TAB2: variants seen among roughly 807,000 people sequenced by gnomAD.
TAB2 encodes the protein TGF-beta activated kinase 1 (MAP3K7) binding protein 2.
TAB2 carries 3 observed loss-of-function variants against 65.0 expected under a neutral mutation model. The observed-to-expected ratio is 0.05, with a 90% CI of 0.02 to 0.12. TAB2 has a LOEUF of 0.12. TAB2 is among the 10% of genes least tolerant of loss of function. The pLI is 1.00. For synonymous variants in TAB2, 298 were observed against 285.1 expected (o/e 1.05, Z -0.46); for missense variants, 623 against 840.3 (o/e 0.74, Z 3.20).
chr6:149,350,651 G>A (rs1780460440), intron 1 of TAB2, among the ~76,000 whole-genome samples: 2 of 120,940 alleles, frequency 1.7e-5, no homozygotes, highest in Admixed American at 2.1e-4. Context: ...TAAGAGCTCA[G>A]TCACCCAGGC....
At chr6:149,315,594 A>T (rs1443694281), upstream of TAB2, among the ~76,000 whole-genome samples, 1 of 152,204 alleles carries the variant, frequency 6.6e-6, no homozygotes, top group African/African-American at 2.4e-5. Context: ...ATAATGTCCT[A>T]TATGACATTT....
At chr6:149,364,355 G>A (rs958785262) in intron 1 of TAB2, among the ~76,000 whole-genome samples, 21 of 151,940 alleles carry the variant, frequency 1.4e-4, no homozygotes, top group African/African-American at 5.1e-4. Context: ...CTTGATCTTT[G>A]CTCTCTACAG....
At chr6:149,358,235 AGACC>A in intron 1 of TAB2, among the ~76,000 whole-genome samples, 1 of 152,124 alleles carries the variant, frequency 6.6e-6, no homozygotes, top group South Asian at 2.1e-4. Flanking sequence ...CTTCAGGATG[AGACC>A]CACATCTAAA....
At chr6:149,403,120 G>C (rs1439116302) in intron 6 of TAB2, among the ~76,000 whole-genome samples, 1 of 151,098 alleles carries the variant, frequency 6.6e-6, no homozygotes, top group East Asian at 1.9e-4. Context: ...TGTAATCCCA[G>C]GTACTCAGGA....
chr6:149,363,935 A>G (rs957609708), intron 1 of TAB2, among the ~76,000 whole-genome samples: 2 of 152,184 alleles, frequency 1.3e-5, no homozygotes, highest in African/African-American at 4.8e-5. Flanking sequence ...TTCCTAATTC[A>G]GAGACGAGAC....
At chr6:149,230,335 C>T (rs951719860) in intron 1 of TAB2, among the ~76,000 whole-genome samples, 6 of 152,210 alleles carry the variant, frequency 3.9e-5, no homozygotes, top group Admixed American at 3.3e-4. Context: ...TGATGAACTT[C>T]CCTCTGCACT....
Position 149,311,700 on chromosome 6 carries a change from C to G in TAB2, c.-120-66318C>G, listed in dbSNP as rs1477502512. On this transcript the variant is annotated intron_variant, in intron 1 of 1. Coordinates refer to the TAB2 transcript ENST00000606202. ...TATAATTAGTAAATTTTGTATGCCC[C>G]AAATTCCTATCACATTTGTGCTTTA... is the stretch of plus-strand genomic sequence containing the variant. Among the ~76,000 whole-genome samples the G allele has an allele frequency of 4.1e-5, 4 of 96,772 alleles. 2 individuals carry two copies. The Admixed American group carries it at 4.2e-4, about 10-fold the overall frequency. The allele number at this position is 96,772 out of a possible 152,430, so 63.5% of individuals were successfully genotyped here. A position where few individuals can be genotyped will look rare whatever the true frequency, so the allele number is the denominator to read the frequency against.
chr6:149,344,306 A>T (rs1183659520), intron 1 of TAB2, among the ~76,000 whole-genome samples: 1 of 152,194 alleles, frequency 6.6e-6, no homozygotes. Flanking sequence ...CACAGCTGGG[A>T]TGTAGAAATC....
Position 149,379,251 on chromosome 6 carries a change from A to C in TAB2, c.1336A>C (p.Asn446His). Residue 446 changes from asparagine (N) to histidine (H), a missense_variant, in exon 3 of 7, where the codon AAC (asparagine) becomes CAC (histidine). Asn to His is a moderately conservative substitution (Grantham distance 68, BLOSUM62 1). This residue lies in a region of TAB2 where 550 missense variants were observed against 665.7 expected (regional missense o/e 0.83). Coordinates refer to ENST00000637181, the MANE Select transcript of TAB2 (RefSeq NM_001292034.3). ...TCCCAAAAGTCGAGCAATAGGCAATAACTCTGCAACCTCTCCTCGAGTGGT... is the reference window on the plus strand; with the variant it reads ...TCCCAAAAGTCGAGCAATAGGCAATCACTCTGCAACCTCTCCTCGAGTGGT... ...HPPKSRAIGN[N>H]SATSPRVVVT... The C allele has an allele frequency of 6.2e-7, 1 of 1,614,204 alleles. No individual in the cohort carries two copies. The highest frequency in any genetic ancestry group is 8.5e-7 in the Non-Finnish European group (1 of 1,180,040).
intron 1 of TAB2, among the ~76,000 whole-genome samples, chr6:149,229,755 A>C (rs962994810): frequency 2.0e-5 from 3 of 152,080 alleles, no homozygotes; most frequent in Admixed American, 2.0e-4. Flanking sequence ...TCCTCATCTT[A>C]AGTTTCTTAT....
intron 1 of TAB2, among the ~76,000 whole-genome samples, chr6:149,228,563 C>G (rs2114629752): frequency 6.6e-6 from 1 of 152,316 alleles, no homozygotes; most frequent in East Asian, 1.9e-4. Context: ...TTTAAACCAG[C>G]TGGAGACAGG....
chr6:149,258,746 T>C (rs952057374), intron 1 of TAB2, among the ~76,000 whole-genome samples: 1 of 152,200 alleles, frequency 6.6e-6, no homozygotes, highest in African/African-American at 2.4e-5. Flanking sequence ...CCAAAAGACA[T>C]TCACATCCTA....
rs748656776 is a variant in TAB2, at chr6:149,378,679, C to G, written c.764C>G (p.Pro255Arg). ...GTTTATCAGCCTTCACAGCCTGGTC[C>G]CTGGACTACTTGTCCTGCATCTAAT... ...QQVYQPSQPG[P>R]WTTCPASNPL... The change falls in exon 3 of 7, where the codon CCC (proline) becomes CGC (arginine). Residue 255 changes from proline (P) to arginine (R), a missense_variant. By Grantham distance (103) the Pro-to-Arg change is moderately radical (BLOSUM62 -2). Transcript: ENST00000637181. 3 of 1,613,700 alleles carry G rather than the reference C, an allele frequency of 1.9e-6. No homozygotes were observed. Among genetic ancestry groups the G allele is most frequent in the Non-Finnish European group, 2.5e-6 (3 of 1,180,036 alleles).
Position 149,378,003 on chromosome 6 carries a change from A to G in TAB2, c.103-15A>G. On this transcript the variant is annotated splice_polypyrimidine_tract_variant and intron_variant, in intron 2 of 6. Coordinates refer to ENST00000637181, the MANE Select transcript of TAB2 (RefSeq NM_001292034.3). ...TCTGATTGTTAACATCAATCAATTT[A>G]TTTTGTTTTCATAGAATAATAATAA... The G allele has an allele frequency of 6.2e-7, 1 of 1,608,286 alleles. No homozygotes were observed. Among genetic ancestry groups the G allele is most frequent in the Non-Finnish European group, 8.5e-7 (1 of 1,175,330 alleles).
intron 1 of TAB2, among the ~76,000 whole-genome samples, chr6:149,339,083 T>C (rs1562422378): frequency 6.6e-6 from 1 of 152,126 alleles, no homozygotes. Context: ...ATCTAGGATA[T>C]GACCGGGCAC....
chr6:149,365,494 C>T (rs1437500569), intron 1 of TAB2, among the ~76,000 whole-genome samples: 1 of 152,036 alleles, frequency 6.6e-6, no homozygotes, highest in African/African-American at 2.4e-5. Flanking sequence ...TCCATTGTTT[C>T]TGATGAGAAG....
chr6:149,399,370 A>G (rs144311202), intron 6 of TAB2, among the ~76,000 whole-genome samples, 186 bp downstream of exon 6: 345 of 152,304 alleles, frequency 2.3e-3, no homozygotes, highest in African/African-American at 7.0e-3. Context: ...GCAAAGATGT[A>G]ATATTCTTAG....
chr6:149,332,899 A>T (rs552809834), intron 1 of TAB2, among the ~76,000 whole-genome samples: 2 of 152,186 alleles, frequency 1.3e-5, no homozygotes, highest in African/African-American at 4.8e-5. Context: ...AAAATTTTTT[A>T]AATGCCACAA....
Position 149,332,570 on chromosome 6 carries a change from G to A in TAB2, c.-90+14555G>A, listed in dbSNP as rs541077072. ...GGCTGTTAACAGTGGTCATCTAATA[G>A]TGTCTTACTAATTTTTAGAGCTTTG... On this transcript the variant is annotated intron_variant, in intron 1 of 6. Coordinates refer to ENST00000637181, the MANE Select transcript of TAB2 (RefSeq NM_001292034.3). 2.6e-5 allele frequency among the ~76,000 whole-genome samples: 4 copies of A among 152,254 alleles called. No homozygotes were observed. In the East Asian group the frequency reaches 5.8e-4, roughly 22 times the overall value.
Sources: allele counts gnomAD v4.1 joint callset (sites outside exome capture counted in the v4.1 genomes callset), GRCh38; gene constraint gnomAD v4.1.1; regional missense constraint gnomAD v4.1.1; transcripts MANE v1.5; gene names NCBI Gene and HGNC (gene_info 2026-07-23, HGNC 2026-07-21).